The following REDIC1 variants were observed in gnomAD, a reference collection of about 807,000 sequenced individuals.
The protein encoded by REDIC1 is regulator of DNA class I crossover intermediates 1.
the REDIC1 span, among the ~76,000 whole-genome samples, chr12:39,859,891 C>A: frequency 1.6e-4 from 25 of 152,202 alleles, no homozygotes; most frequent in Non-Finnish European, 2.6e-4. Context: ...TTGTCAATTT[C>A]TACTCAAGCA....
At chr12:39,789,356 A>G in the REDIC1 span, among the ~76,000 whole-genome samples, 1 of 152,098 alleles carries the variant, frequency 6.6e-6, no homozygotes, top group Non-Finnish European at 1.5e-5. Context: ...TGCTTTTGAA[A>G]TTCATTCAGG....
chr12:39,824,539 G>C, the REDIC1 span, among the ~76,000 whole-genome samples: 1 of 152,162 alleles, frequency 6.6e-6, no homozygotes, highest in African/African-American at 2.4e-5. Flanking sequence ...AGGAGGTTAA[G>C]CTAGTCTTGT....
At chr12:39,755,615 C>T in the REDIC1 span, 1 of 151,934 alleles carries the variant, frequency 6.6e-6, no homozygotes, top group African/African-American at 2.4e-5. Flanking sequence ...AACTTTAAAA[C>T]TTTACAAAAT....
the REDIC1 span, among the ~76,000 whole-genome samples, chr12:39,713,552 G>A: frequency 2.7e-5 from 4 of 148,946 alleles, no homozygotes; most frequent in East Asian, 2.0e-4. Context: ...GTATACATGC[G>A]TGCATACATG....
At chr12:39,702,212 G>C in the REDIC1 span, among the ~76,000 whole-genome samples, 59 of 152,120 alleles carry the variant, frequency 3.9e-4, no homozygotes, top group African/African-American at 1.4e-3. Flanking sequence ...AAAAAAGAGA[G>C]AGGAATCAAA....
the REDIC1 span, among the ~76,000 whole-genome samples, chr12:39,711,871 A>ATGTGTG: frequency 8.7e-6 from 1 of 114,870 alleles, no homozygotes; most frequent in African/African-American, 4.3e-5. Flanking sequence ...GTATACACGT[A>ATGTGTG]TACACATGCA....
chr12:39,901,350 T>C, the REDIC1 span, among the ~76,000 whole-genome samples: 1 of 151,360 alleles, frequency 6.6e-6, no homozygotes, highest in African/African-American at 2.4e-5. Context: ...TGGGATCTAA[T>C]TAAACTAAAG....
the REDIC1 span, among the ~76,000 whole-genome samples, chr12:39,731,915 A>T: frequency 6.6e-6 from 1 of 151,790 alleles, no homozygotes; most frequent in Non-Finnish European, 1.5e-5. Context: ...GATAGCTTAG[A>T]GGATTGTCAT....
the REDIC1 span, among the ~76,000 whole-genome samples, chr12:39,627,506 T>C: frequency 6.6e-6 from 1 of 152,150 alleles, no homozygotes; most frequent in Non-Finnish European, 1.5e-5. Flanking sequence ...TTTATGGCTA[T>C]TTTGGGAGTA....
At chr12:39,785,124 G>T in the REDIC1 span, among the ~76,000 whole-genome samples, 1 of 152,188 alleles carries the variant, frequency 6.6e-6, no homozygotes, top group Non-Finnish European at 1.5e-5. Flanking sequence ...GAATCCCCAA[G>T]ACCATGGGGA....
chr12:39,666,400 A>G, the REDIC1 span, among the ~76,000 whole-genome samples: 1 of 152,142 alleles, frequency 6.6e-6, no homozygotes. Flanking sequence ...CCAGCCTTGC[A>G]CCCCAGGGAT....
the REDIC1 span, among the ~76,000 whole-genome samples, chr12:39,793,304 A>G: frequency 6.6e-6 from 1 of 152,156 alleles, no homozygotes; most frequent in East Asian, 1.9e-4. Context: ...GTACATTAAA[A>G]ACTACAAACC....
chr12:39,830,669 GT>G, the REDIC1 span, among the ~76,000 whole-genome samples: 2,341 of 151,424 alleles, frequency 0.015, 27 homozygotes, highest in Middle Eastern at 0.024. Context: ...AATGAAAATA[GT>G]TTTTTTTTCT....
At chr12:39,741,849 A>T in the REDIC1 span, among the ~76,000 whole-genome samples, 1 of 152,162 alleles carries the variant, frequency 6.6e-6, no homozygotes, top group African/African-American at 2.4e-5. Context: ...TACAATAAGG[A>T]TGCTTTGCCA....
the REDIC1 span, chr12:39,819,883 A>G: frequency 6.5e-6 from 1 of 154,772 alleles, no homozygotes; most frequent in Non-Finnish European, 1.4e-5. Flanking sequence ...TCACTGCCCA[A>G]TAATACATTT....
At chr12:39,892,037 A>C in the REDIC1 span, among the ~76,000 whole-genome samples, 1 of 152,202 alleles carries the variant, frequency 6.6e-6, no homozygotes, top group South Asian at 2.1e-4. Context: ...TCCTATAAAG[A>C]AGAGAAGATC....
chr12:39,638,067 C>T, the REDIC1 span, among the ~76,000 whole-genome samples: 5 of 151,860 alleles, frequency 3.3e-5, no homozygotes, highest in Admixed American at 1.3e-4. Flanking sequence ...GTACAGGCTG[C>T]CTTCCTCTAT....
the REDIC1 span, among the ~76,000 whole-genome samples, chr12:39,866,692 G>C: frequency 6.6e-6 from 1 of 152,156 alleles, no homozygotes; most frequent in African/African-American, 2.4e-5. Flanking sequence ...TGTTAGCCAG[G>C]ATGGTCTCGA....
chr12:39,848,573 T>C, the REDIC1 span, among the ~76,000 whole-genome samples: 3 of 152,330 alleles, frequency 2.0e-5, no homozygotes, highest in African/African-American at 7.2e-5. Flanking sequence ...ATACTGTTGG[T>C]AGGAGTGTAA....
Sources: gnomAD v4.1 joint callset for allele counts (sites outside exome capture counted in the v4.1 genomes callset) on GRCh38, gnomAD v4.1.1 for gene constraint, MANE v1.5 for transcripts, NCBI Gene and HGNC (gene_info 2026-07-23, HGNC 2026-07-21) for gene names.